The following RTL4 variants were observed in gnomAD, a reference collection of about 807,000 sequenced individuals.
RTL4 encodes retrotransposon Gag like 4.
A neutral mutation model predicts 5.3 loss-of-function variants in RTL4; 4 were observed. The ratio of observed to expected loss-of-function variants is 0.75; its 90% confidence interval spans 0.37 to 1.72. RTL4 has a LOEUF of 1.72. RTL4 is among the 40% of genes most tolerant of loss of function. The pLI is 0.04. For synonymous variants in RTL4, 98 were observed against 87.3 expected (o/e 1.12, Z -0.68); for missense variants, 260 against 227.1 (o/e 1.14, Z -0.93).
At chrX:112,327,971 C>A in the RTL4 span, among the ~76,000 whole-genome samples, 1 of 106,985 alleles carries the variant, frequency 9.3e-6, no homozygotes, top group African/African-American at 3.4e-5. Flanking sequence ...GATTTTGTCA[C>A]CACCAGGCCT....
chrX:112,106,273 T>C, the RTL4 span, among the ~76,000 whole-genome samples: 2 of 112,188 alleles, frequency 1.8e-5, no homozygotes, highest in Admixed American at 1.9e-4. Context: ...TTCAGATTAC[T>C]AGTATTTTGT....
At chrX:112,118,074 G>A in the RTL4 span, among the ~76,000 whole-genome samples, 1 of 111,786 alleles carries the variant, frequency 8.9e-6, no homozygotes, top group Non-Finnish European at 1.9e-5. Flanking sequence ...TTAATTGAGA[G>A]AACAAGTTCC....
the RTL4 span, among the ~76,000 whole-genome samples, chrX:112,238,896 C>A: frequency 8.9e-6 from 1 of 111,817 alleles, no homozygotes; most frequent in African/African-American, 3.2e-5. Context: ...TCCCATCCCT[C>A]ATGGTTTCAG....
At chrX:112,100,898 T>A in the RTL4 span, among the ~76,000 whole-genome samples, 1 of 111,643 alleles carries the variant, frequency 9.0e-6, no homozygotes, top group Non-Finnish European at 1.9e-5. Context: ...CCCTCTGTTA[T>A]CAAGAAGAAA....
At chrX:112,399,765 T>C in the RTL4 span, among the ~76,000 whole-genome samples, 5 of 111,869 alleles carry the variant, frequency 4.5e-5, no homozygotes, top group Non-Finnish European at 9.4e-5. Context: ...GACTTCCTTT[T>C]ACATTTCTTA....
chrX:112,355,254 A>T, the RTL4 span, among the ~76,000 whole-genome samples: 1 of 111,251 alleles, frequency 9.0e-6, no homozygotes, highest in Non-Finnish European at 1.9e-5. Context: ...AGGCATTTTT[A>T]ATGACAACAA....
chrX:112,222,744 A>T, the RTL4 span, among the ~76,000 whole-genome samples: 5 of 111,459 alleles, frequency 4.5e-5, no homozygotes, highest in Admixed American at 9.5e-5. Flanking sequence ...AGAAAGAAAA[A>T]AAAAAAGATA....
At chrX:112,384,909 TGAA>T in the RTL4 span, among the ~76,000 whole-genome samples, 1 of 111,345 alleles carries the variant, frequency 9.0e-6, no homozygotes, top group Non-Finnish European at 1.9e-5. Context: ...TAGTTCTCCT[TGAA>T]GAAATCCTTC....
At chrX:112,382,769 A>T in the RTL4 span, among the ~76,000 whole-genome samples, 1 of 111,938 alleles carries the variant, frequency 8.9e-6, no homozygotes, top group Non-Finnish European at 1.9e-5. Context: ...CTTATGAGTG[A>T]AAAAGCATTC....
chrX:112,329,256 C>T, the RTL4 span, among the ~76,000 whole-genome samples: 16 of 110,076 alleles, frequency 1.5e-4, no homozygotes, highest in African/African-American at 3.6e-4. Context: ...ATTGATAGAC[C>T]GCTAGCAAGA....
chrX:112,331,040 A>C, the RTL4 span, among the ~76,000 whole-genome samples: 1 of 107,010 alleles, frequency 9.3e-6, no homozygotes, highest in Non-Finnish European at 1.9e-5. Context: ...GTTAGACCTA[A>C]AACCATAAAA....
chrX:112,206,202 T>C, the RTL4 span, among the ~76,000 whole-genome samples: 1 of 111,486 alleles, frequency 9.0e-6, no homozygotes, highest in African/African-American at 3.3e-5. Flanking sequence ...TATTAAACAA[T>C]TGGGAAAAAA....
chrX:112,239,139 T>G, the RTL4 span, among the ~76,000 whole-genome samples: 4 of 111,061 alleles, frequency 3.6e-5, no homozygotes, highest in Non-Finnish European at 7.6e-5. Context: ...TTGCCACCTA[T>G]TCCCAGAAAC....
chrX:112,381,962 T>C, the RTL4 span: 1 of 1,209,021 alleles, frequency 8.3e-7, no homozygotes, highest in Non-Finnish European at 1.1e-6. Context: ...TATTTTTGAA[T>C]ACTCCTCTGG....
At chrX:112,137,458 G>T in the RTL4 span, among the ~76,000 whole-genome samples, 1 of 111,998 alleles carries the variant, frequency 8.9e-6, no homozygotes, top group African/African-American at 3.2e-5. Context: ...GGGGAAGCAG[G>T]CACATCCTTC....
chrX:112,170,237 T>C, the RTL4 span, among the ~76,000 whole-genome samples: 1 of 112,478 alleles, frequency 8.9e-6, no homozygotes, highest in Non-Finnish European at 1.9e-5. Flanking sequence ...GTCTTGGCTA[T>C]ATGGCCTCCT....
the RTL4 span, among the ~76,000 whole-genome samples, chrX:112,104,740 G>A: frequency 9.0e-6 from 1 of 110,913 alleles, no homozygotes; most frequent in African/African-American, 3.3e-5. Context: ...TTTTTAATTG[G>A]GTTATATGTT....
At chrX:112,440,161 C>A in the RTL4 span, among the ~76,000 whole-genome samples, 2 of 112,061 alleles carry the variant, frequency 1.8e-5, no homozygotes, top group African/African-American at 3.2e-5. Flanking sequence ...AACTCAAACC[C>A]ATTTGATGGC....
the RTL4 span, among the ~76,000 whole-genome samples, chrX:112,179,523 A>G: frequency 8.9e-6 from 1 of 112,151 alleles, no homozygotes; most frequent in African/African-American, 3.2e-5. Context: ...GATTAATGCC[A>G]GAGGAATAGT....
Sources: allele counts gnomAD v4.1 joint callset (sites outside exome capture counted in the v4.1 genomes callset), GRCh38; gene constraint gnomAD v4.1.1; transcripts MANE v1.5; gene names NCBI Gene and HGNC (gene_info 2026-07-23, HGNC 2026-07-21).